Variants in GALNT14 observed in about 807,000 individuals in gnomAD.
The protein encoded by GALNT14 is polypeptide N-acetylgalactosaminyltransferase 14.
GALNT14 carries 60 observed loss-of-function variants against 77.5 expected under a neutral mutation model. That is an observed-to-expected ratio of 0.77 (90% CI 0.63 to 0.96). The LOEUF (loss-of-function observed/expected upper bound fraction) is 0.96. Ranked by LOEUF, GALNT14 falls within the 40% of genes least tolerant of loss-of-function variation. The probability of loss-of-function intolerance (pLI) is 0.00; values close to 1 mark genes in which losing one functional copy is unlikely to be tolerated. For missense variants in GALNT14, 710 were observed against 731.0 expected, an observed-to-expected ratio of 0.97 and a Z score of 0.33; for synonymous variants, 280 against 281.7, an observed-to-expected ratio of 0.99 and a Z score of 0.06.
chr2:30,964,069 G>A (rs1487933253), intron 3 of GALNT14, among the ~76,000 whole-genome samples: 1 of 152,346 alleles, frequency 6.6e-6, no homozygotes, highest in Admixed American at 6.5e-5. Flanking sequence ...CTGATGGGGT[G>A]CATGTGTGTG....
the GALNT14 span, among the ~76,000 whole-genome samples, chr2:30,889,004 G>T: frequency 1.3e-5 from 2 of 151,758 alleles, no homozygotes; most frequent in Admixed American, 1.3e-4. Flanking sequence ...GTGTCCTGGG[G>T]CCAGAATCAC....
intron 1 of GALNT14, among the ~76,000 whole-genome samples, chr2:31,136,556 A>C (rs1458895795): frequency 2.0e-5 from 3 of 152,110 alleles, no homozygotes; most frequent in Non-Finnish European, 2.9e-5. Flanking sequence ...AGTAAATTCT[A>C]TCTCTCTCTA....
chr2:30,934,985 A>G (rs967129945), intron 9 of GALNT14, among the ~76,000 whole-genome samples: 8 of 152,158 alleles, frequency 5.3e-5, no homozygotes, highest in Admixed American at 4.6e-4. Context: ...CCTCCTCTAA[A>G]GACATTCTTC....
intron 2 of GALNT14, among the ~76,000 whole-genome samples, chr2:30,976,851 G>T (rs967715351): frequency 1.3e-5 from 2 of 152,076 alleles, no homozygotes; most frequent in Non-Finnish European, 2.9e-5. Flanking sequence ...CTCTGTCTCA[G>T]GTATTCTTCC....
At chr2:30,908,182 T>C (rs1277049245), downstream of GALNT14, among the ~76,000 whole-genome samples, 1 of 148,072 alleles carries the variant, frequency 6.8e-6, no homozygotes, top group Non-Finnish European at 1.5e-5. Flanking sequence ...ACCACTCCTA[T>C]TCAACATAGT....
At chr2:31,032,097 T>A (rs2148481844) in intron 1 of GALNT14, among the ~76,000 whole-genome samples, 1 of 152,328 alleles carries the variant, frequency 6.6e-6, no homozygotes, top group Non-Finnish European at 1.5e-5. Flanking sequence ...GGCAGCAGAC[T>A]CTCATGGATA....
At chr2:31,107,443 A>G (rs78032596) in intron 1 of GALNT14, among the ~76,000 whole-genome samples, 2,201 of 152,228 alleles carry the variant, frequency 0.014, 48 homozygotes, top group African/African-American at 0.05. Flanking sequence ...TGCACACATT[A>G]CACATTCCAC....
intron 13 of GALNT14, among the ~76,000 whole-genome samples, chr2:30,922,320 C>T (rs1665082811): frequency 6.6e-6 from 1 of 152,164 alleles, no homozygotes; most frequent in Non-Finnish European, 1.5e-5. Context: ...CAAAAAGCAA[C>T]CTCTTCAGCA....
chr2:30,945,642 C>T lies in GALNT14; in HGVS notation c.742+141G>A, dbSNP rs1337068676. 3 of 693,274 alleles carry T rather than the reference C, an allele frequency of 4.3e-6. No homozygotes were observed. The African/African-American group carries it at 5.3e-5, about 12-fold the overall frequency. 42.9% of individuals were successfully genotyped at this position (693,274 alleles called of 1,614,324 possible). On this transcript the variant is annotated intron_variant, in intron 7 of 14. Transcript: ENST00000349752. Reference sequence around the variant, plus strand: ...CACAGTCCTGGTGGTAAGGGCCAAGCTAAGGTAATTATAGTGCAGGTTGCA... The same window carrying T: ...CACAGTCCTGGTGGTAAGGGCCAAGTTAAGGTAATTATAGTGCAGGTTGCA...
chr2:30,992,552 C>T (rs750536158), intron 2 of GALNT14, among the ~76,000 whole-genome samples: 6 of 152,144 alleles, frequency 3.9e-5, no homozygotes, highest in African/African-American at 1.4e-4. Context: ...TCTATGGGTT[C>T]GTGTCAAATG....
chr2:31,002,065 T>C (rs1334337320), intron 1 of GALNT14, among the ~76,000 whole-genome samples: 1 of 152,196 alleles, frequency 6.6e-6, no homozygotes, highest in Non-Finnish European at 1.5e-5. Context: ...AGGCTGGTTA[T>C]ACTGTTACCA....
At chr2:30,998,095 G>A (rs1274876241) in intron 1 of GALNT14, among the ~76,000 whole-genome samples, 1 of 152,152 alleles carries the variant, frequency 6.6e-6, no homozygotes, top group East Asian at 1.9e-4. Flanking sequence ...AGCGAAATAA[G>A]CCAGGCACAG....
At chr2:30,966,085 C>G in intron 3 of GALNT14, 119 bp downstream of exon 3, 1 of 694,616 alleles carries the variant, frequency 1.4e-6, no homozygotes, top group Non-Finnish European at 2.6e-6. Flanking sequence ...AGAATAGTGC[C>G]TGGCACGTAG....
At chr2:30,950,465 A>G (rs972598643) in intron 6 of GALNT14, among the ~76,000 whole-genome samples, 4 of 152,162 alleles carry the variant, frequency 2.6e-5, no homozygotes, top group African/African-American at 9.7e-5. Context: ...TACAGCTTAA[A>G]ATTTCCACTT....
At chr2:30,953,303 TCC>T (rs1157477443) in intron 6 of GALNT14, among the ~76,000 whole-genome samples, 1 of 145,384 alleles carries the variant, frequency 6.9e-6, no homozygotes, top group Non-Finnish European at 1.5e-5. Flanking sequence ...ATAATTTCCT[TCC>T]TTTTTTTTTT....
chr2:30,969,767 G>A (rs1352546284), intron 2 of GALNT14, among the ~76,000 whole-genome samples: 1 of 152,130 alleles, frequency 6.6e-6, no homozygotes, highest in African/African-American at 2.4e-5. Context: ...GTGGGTACGT[G>A]AGCCAATCAC....
intron 1 of GALNT14, among the ~76,000 whole-genome samples, chr2:31,134,702 G>A (rs1025281986): frequency 6.6e-6 from 1 of 152,152 alleles, no homozygotes; most frequent in East Asian, 1.9e-4. Flanking sequence ...AACCCCCTGG[G>A]AGCTCTCCAA....
In GALNT14 at chr2:31,128,979, A is replaced by AC. The variant is rs1553382251; in HGVS notation, c.129+8978_129+8979insG. Among the ~76,000 whole-genome samples, 315 of 87,242 alleles carry AC rather than the reference A, an allele frequency of 3.6e-3. 1 individual carries two copies. The African/African-American group carries it at 0.038, about 11-fold the overall frequency. The allele number at this position is 87,242 out of a possible 152,430, so 57.2% of individuals were successfully genotyped here. On this transcript the variant is annotated intron_variant, in intron 1 of 14. Transcript: ENST00000349752. ...AAAAAATAAAATTGAAAAAAAAAAA[A>AC]AACACACAAAGCAATGCTGGTGTTT...
intron 2 of GALNT14, among the ~76,000 whole-genome samples, chr2:30,992,421 A>G (rs1370725431): frequency 6.6e-6 from 1 of 152,096 alleles, no homozygotes; most frequent in Non-Finnish European, 1.5e-5. Flanking sequence ...AGTCACAGAA[A>G]ACACCGCCCA....
Sources: allele counts gnomAD v4.1 joint callset (sites outside exome capture counted in the v4.1 genomes callset), GRCh38; gene constraint gnomAD v4.1.1; transcripts MANE v1.5; gene names NCBI Gene and HGNC (gene_info 2026-07-23, HGNC 2026-07-21).